The following PCDH15 variants were observed in gnomAD, a reference collection of about 807,000 sequenced individuals.
PCDH15 encodes the protein protocadherin related 15, also known as protocadherin-15.
In PCDH15, 129 loss-of-function variants were observed where a neutral mutation model predicts 178.5. The ratio of observed to expected loss-of-function variants is 0.72; its 90% CI spans 0.63 to 0.84. The LOEUF (loss-of-function observed/expected upper bound fraction) is 0.84. PCDH15 is among the 40% of genes least tolerant of loss of function. PCDH15 has a pLI of 0.00. For missense variants in PCDH15, 2,230 were observed against 2,099.9 expected, an observed-to-expected ratio of 1.06 and a Z score of -1.21; for synonymous variants, 800 against 732.0, an observed-to-expected ratio of 1.09 and a Z score of -1.50.
intron 20 of PCDH15, among the ~76,000 whole-genome samples, chr10:53,998,636 A>G (rs780501743): frequency 2.0e-5 from 3 of 152,182 alleles, no homozygotes; most frequent in Admixed American, 6.5e-5. Context: ...AAATAAAAAT[A>G]AAGAGAAAAA....
intron 25 of PCDH15, among the ~76,000 whole-genome samples, chr10:53,906,659 G>A (rs183554115): frequency 4.6e-5 from 7 of 152,316 alleles, no homozygotes; most frequent in Admixed American, 3.3e-4. Flanking sequence ...TCAAAGTGAA[G>A]TAAGTCCAAA....
At chr10:55,414,666 C>A (rs1838430361) in intron 2 of PCDH15, among the ~76,000 whole-genome samples, 1 of 151,044 alleles carries the variant, frequency 6.6e-6, no homozygotes, top group Non-Finnish European at 1.5e-5. Context: ...TTACTGATTT[C>A]ATTTTAGATA....
chr10:54,016,900 A>G (rs2092757836), intron 20 of PCDH15, among the ~76,000 whole-genome samples: 1 of 152,352 alleles, frequency 6.6e-6, no homozygotes, highest in Non-Finnish European at 1.5e-5. Context: ...TTAAAGAAAG[A>G]AAAGTGTTGG....
rs550522057 is a variant in PCDH15 at position 54,436,154 on chromosome 10, GAAGA to G, written c.158-57216_158-57213del. ...AAGAAAAAGAAAGAAAGAAAGGAAG[GAAGA>G]AAGGAAGGAAGGAAGAAGGAAAGAA... On this transcript the variant is annotated intron_variant, in intron 3 of 37. Transcript: ENST00000644397. Among the ~76,000 whole-genome samples, 1,131 of 150,744 alleles carry G rather than the reference GAAGA, an allele frequency of 7.5e-3. 15 individuals carry two copies. The highest frequency in any genetic ancestry group is 0.024 in the African/African-American group (971 of 40,792).
At chr10:55,330,308 A>G (rs1354363662) in intron 2 of PCDH15, among the ~76,000 whole-genome samples, 1 of 151,810 alleles carries the variant, frequency 6.6e-6, no homozygotes, top group Non-Finnish European at 1.5e-5. Context: ...CGCTTTTGAC[A>G]GTATTATAAA....
chr10:54,533,485 T>TG (rs1565526187), intron 2 of PCDH15, among the ~76,000 whole-genome samples: 1 of 152,012 alleles, frequency 6.6e-6, no homozygotes, highest in African/African-American at 2.4e-5. Flanking sequence ...AGTAAAGTGA[T>TG]GAAAAAAAAG....
chr10:55,159,600 T>A (rs1328136251), intron 2 of PCDH15, among the ~76,000 whole-genome samples: 1 of 148,200 alleles, frequency 6.7e-6, no homozygotes, highest in Non-Finnish European at 1.5e-5. Context: ...CTGTCTTTTG[T>A]AAATGTGTAA....
At chr10:54,165,319 G>A (rs1439654823) in intron 13 of PCDH15, among the ~76,000 whole-genome samples, 1 of 151,980 alleles carries the variant, frequency 6.6e-6, no homozygotes, top group Non-Finnish European at 1.5e-5. Context: ...TTTGGAAAAA[G>A]ATATTGATAA....
At chr10:53,921,082 T>C (rs776478607) in intron 25 of PCDH15, among the ~76,000 whole-genome samples, 2 of 152,196 alleles carry the variant, frequency 1.3e-5, no homozygotes, top group Non-Finnish European at 2.9e-5. Context: ...AAGTGCTTAA[T>C]TAATACTTGT....
intron 2 of PCDH15, among the ~76,000 whole-genome samples, chr10:55,408,306 T>C (rs560349542): frequency 4.2e-4 from 64 of 152,018 alleles, no homozygotes; most frequent in African/African-American, 1.5e-3. Flanking sequence ...CTGCCTCAGC[T>C]TGCCGAGTAG....
intron 10 of PCDH15, among the ~76,000 whole-genome samples, chr10:54,197,208 A>G (rs1232298719): frequency 6.6e-6 from 1 of 151,586 alleles, no homozygotes; most frequent in Non-Finnish European, 1.5e-5. Flanking sequence ...TTTTTCTCCC[A>G]TTAAGTTTAA....
At chr10:54,448,601 A>G (rs370562960) in intron 3 of PCDH15, among the ~76,000 whole-genome samples, 1 of 151,784 alleles carries the variant, frequency 6.6e-6, no homozygotes, top group African/African-American at 2.4e-5. Context: ...AACTGGAGGA[A>G]TTCTCTTATG....
At chr10:55,174,951 G>A (rs1337422648) in intron 1 of PCDH15, among the ~76,000 whole-genome samples, 2 of 152,120 alleles carry the variant, frequency 1.3e-5, no homozygotes, top group African/African-American at 4.8e-5. Context: ...TTTAACCCAA[G>A]CATTTGAAAT....
intron 2 of PCDH15, among the ~76,000 whole-genome samples, chr10:55,341,823 T>G (rs1407957365): frequency 2.9e-5 from 3 of 103,310 alleles, no homozygotes; most frequent in Non-Finnish European, 5.8e-5. Context: ...TTTTTTTTTT[T>G]TTTTTTTTAG....
chr10:54,380,378 G>T (rs1949029715), intron 3 of PCDH15, among the ~76,000 whole-genome samples: 1 of 151,356 alleles, frequency 6.6e-6, no homozygotes, highest in African/African-American at 2.4e-5. Context: ...GATATTGATG[G>T]CATTTTATTG....
In PCDH15 at chr10:54,375,362, G is replaced by C. The variant is rs116304593; in HGVS notation, c.318+3420C>G. 2.9e-3 allele frequency among the ~76,000 whole-genome samples: 442 copies of C among 152,202 alleles called. 1 individual carries two copies. Among genetic ancestry groups the C allele is most frequent in the African/African-American group, 0.01 (424 of 41,540 alleles). ...AATCTGCTCTGCAGAGAGAAAAATA[G>C]AGAATATGCACAGAGAAAGGCAGAA... On this transcript the variant is annotated intron_variant, in intron 4 of 37. Transcript: ENST00000644397.
intron 4 of PCDH15, among the ~76,000 whole-genome samples, chr10:54,370,840 T>C (rs1240270868): frequency 6.6e-6 from 1 of 151,722 alleles, no homozygotes; most frequent in East Asian, 1.9e-4. Context: ...CTGAAGGAAA[T>C]CATTATTTAG....
chr10:54,738,085 G>T (rs1231613451), intron 1 of PCDH15, among the ~76,000 whole-genome samples: 2 of 152,016 alleles, frequency 1.3e-5, no homozygotes, highest in East Asian at 3.9e-4. Context: ...TCTTTGACTT[G>T]AGCCACATGA....
intron 3 of PCDH15, among the ~76,000 whole-genome samples, chr10:54,865,253 G>T (rs957012125): frequency 2.0e-5 from 3 of 152,152 alleles, no homozygotes; most frequent in African/African-American, 7.2e-5. Flanking sequence ...GGTGTGATAA[G>T]CTGGCTTGCT....
Sources: gnomAD v4.1 joint callset for allele counts (sites outside exome capture counted in the v4.1 genomes callset) on GRCh38, gnomAD v4.1.1 for gene constraint, MANE v1.5 for transcripts, NCBI Gene and HGNC (gene_info 2026-07-23, HGNC 2026-07-21) for gene names.